Variants in ZNF638 observed in about 807,000 individuals in gnomAD.
ZNF638 encodes the protein zinc finger protein 638.
A neutral mutation model predicts 195.6 loss-of-function variants in ZNF638; 46 were observed. The observed-to-expected ratio is 0.24, with a 90% CI of 0.19 to 0.30. The LOEUF (loss-of-function observed/expected upper bound fraction) is 0.30. ZNF638 is among the 10% of genes least tolerant of loss of function. The pLI is 1.00. For missense variants in ZNF638, 2,440 were observed against 2,325.3 expected, an observed-to-expected ratio of 1.05 and a Z score of -1.01; for synonymous variants, 845 against 772.0, an observed-to-expected ratio of 1.09 and a Z score of -1.57.
At chr2:71,374,839 T>A (rs969482756) in intron 8 of ZNF638, 2 of 152,236 alleles carry the variant, frequency 1.3e-5, no homozygotes, top group Non-Finnish European at 2.9e-5. Context: ...GGAGGATTGC[T>A]TGAGCCCACA....
intron 8 of ZNF638, among the ~76,000 whole-genome samples, chr2:71,378,547 C>A (rs1177022783): frequency 6.6e-6 from 1 of 152,108 alleles, no homozygotes; most frequent in Non-Finnish European, 1.5e-5. Flanking sequence ...TTGAAGAACA[C>A]AAAGTCTCTG....
intron 20 of ZNF638, among the ~76,000 whole-genome samples, chr2:71,409,276 A>T (rs529522746): frequency 6.6e-6 from 1 of 152,174 alleles, no homozygotes; most frequent in African/African-American, 2.4e-5. Flanking sequence ...TTAATTGACT[A>T]CTATTTAAAA....
intron 20 of ZNF638, chr2:71,418,351 A>T: frequency 3.4e-6 from 1 of 297,832 alleles, no homozygotes; most frequent in East Asian, 5.5e-5. Flanking sequence ...AAAGTTTCTT[A>T]TTTATATCAT....
rs2078914753 is a variant in ZNF638 at position 71,350,026 on chromosome 2, A to C, written c.1072A>C (p.Asn358His). Residue 358 changes from asparagine to histidine, a missense_variant, in exon 2 of 28, where the codon AAT becomes CAT. By Grantham distance (68) the Asn-to-His change is moderately conservative. Coordinates refer to ENST00000264447, the MANE Select transcript of ZNF638 (RefSeq NM_014497.5). ...QERIPHEPVI[N>H]SSNVHVGSRG... is the part of the protein sequence containing the mutation. ...GCGGATCCCACATGAACCTGTGATT[A>C]ATTCATCTAACGTACATGTTGGATC... 2 of 1,614,104 alleles carry C rather than the reference A, an allele frequency of 1.2e-6. No individual in the cohort carries two copies. Among genetic ancestry groups the C allele is most frequent in the Non-Finnish European group, 1.7e-6 (2 of 1,180,046 alleles).
intron 26 of ZNF638, 81 bp downstream of exon 26, chr2:71,431,509 C>T: frequency 1.6e-6 from 2 of 1,271,266 alleles, no homozygotes; most frequent in Non-Finnish European, 2.2e-6. Context: ...CCTGTAATCC[C>T]AGCACTTCGG....
At chr2:71,408,396 A>G (rs1196276815) in intron 20 of ZNF638, 149 bp downstream of exon 20, 6 of 1,018,808 alleles carry the variant, frequency 5.9e-6, no homozygotes, top group Non-Finnish European at 8.2e-6. Context: ...CATAGTTTAT[A>G]AAGCAGTATA....
chr2:71,398,749 G>C lies in ZNF638; in HGVS notation c.2477G>C (p.Gly826Ala). The change falls in exon 12 of 28, where the codon GGT (glycine) becomes GCT (alanine). Residue 826 changes from glycine (G) to alanine (A), a missense_variant. Physicochemically the swap from Gly to Ala is moderately conservative, Grantham distance 60. Around this residue, in one of 5 missense-constraint regions of ZNF638, gnomAD observed 1,883 missense variants for 1,739.1 expected, o/e 1.08. Transcript: ENST00000264447. The part of the protein sequence containing the change: ...VKSVVTVAVK[G>A]NKASIKTAKS... ...TCTGTGGTAACGGTAGCTGTTAAAG[G>C]TAATAAAGCTTCAATCAAAACAGGT... is the stretch of plus-strand genomic sequence containing the variant. The C allele has an allele frequency of 1.9e-6, 3 of 1,613,180 alleles. No homozygotes were observed. The highest frequency in any genetic ancestry group is 2.5e-6 in the Non-Finnish European group (3 of 1,179,400).
chr2:71,398,354 G>T (rs1305173834), intron 11 of ZNF638, among the ~76,000 whole-genome samples: 1 of 151,910 alleles, frequency 6.6e-6, no homozygotes, highest in Non-Finnish European at 1.5e-5. Context: ...GCATGAAACA[G>T]TTTTTTTTAA....
chr2:71,391,121 A>C (rs1241499949), intron 10 of ZNF638, among the ~76,000 whole-genome samples: 1 of 152,170 alleles, frequency 6.6e-6, no homozygotes, highest in Non-Finnish European at 1.5e-5. Flanking sequence ...AGCCCTTAGA[A>C]TTTGCCCATT....
chr2:71,372,325 C>T (rs564634376), intron 8 of ZNF638, among the ~76,000 whole-genome samples: 15 of 152,210 alleles, frequency 9.9e-5, no homozygotes, highest in Middle Eastern at 3.4e-3. Flanking sequence ...TTCTTATTGC[C>T]GGGATGGATG....
At chr2:71,357,708 A>G (rs985876023) in intron 3 of ZNF638, among the ~76,000 whole-genome samples, 1 of 152,050 alleles carries the variant, frequency 6.6e-6, no homozygotes, top group Non-Finnish European at 1.5e-5. Context: ...GATTTAAAGC[A>G]TTTGCTTTCC....
intron 10 of ZNF638, chr2:71,395,500 A>ATTCTT (rs1360983540): frequency 1.6e-6 from 1 of 606,512 alleles, no homozygotes; most frequent in African/African-American, 1.8e-5. Flanking sequence ...AAGGGCAAGA[A>ATTCTT]GTAGGTAACA....
chr2:71,408,529 A>AT (rs1486721624), intron 20 of ZNF638: 1 of 333,114 alleles, frequency 3.0e-6, no homozygotes, highest in Non-Finnish European at 5.6e-6. Flanking sequence ...ATGTAACATG[A>AT]TTGTCTCCAG....
intron 23 of ZNF638, 54 bp from the exon 24 acceptor site, chr2:71,426,406 C>A: frequency 1.5e-6 from 2 of 1,291,440 alleles, no homozygotes; most frequent in Non-Finnish European, 2.1e-6. Context: ...TATTTGGAAT[C>A]TAGCCAGTGG....
At chr2:71,395,373 G>A in intron 10 of ZNF638, 1 of 702,126 alleles carries the variant, frequency 1.4e-6, no homozygotes, top group Non-Finnish European at 2.7e-6. Context: ...AGATCAGTCA[G>A]GGTGGTGGGA....
chr2:71,353,225 C>T (rs1324230013), intron 2 of ZNF638, among the ~76,000 whole-genome samples: 1 of 152,080 alleles, frequency 6.6e-6, no homozygotes, highest in African/African-American at 2.4e-5. Flanking sequence ...TGAAGATGTA[C>T]TTTGAGAACG....
chr2:71,410,320 A>G (rs540324774), intron 20 of ZNF638, among the ~76,000 whole-genome samples: 2 of 152,202 alleles, frequency 1.3e-5, no homozygotes, highest in East Asian at 1.9e-4. Flanking sequence ...AGAGTAGACT[A>G]TAGGGGCATG....
chr2:71,405,996 C>G, intron 18 of ZNF638, 132 bp from the exon 19 acceptor site: 2 of 1,009,164 alleles, frequency 2.0e-6, no homozygotes, highest in Non-Finnish European at 2.9e-6. Context: ...CTGTCTTCCC[C>G]CATGTAGTCA....
At position 71,388,374 on chromosome 2, in the gene ZNF638, CGACCTTTGATCATCT is replaced by C. The variant is rs1189298085; in HGVS notation, c.2378-7752_2378-7738del. The C allele has an allele frequency of 1.5e-4, 90 of 604,360 alleles. No individual in the cohort carries two copies. The East Asian group carries it at 1.7e-3, about 12-fold the overall frequency. The allele number at this position is 604,360 out of a possible 1,614,324, so 37.4% of individuals were successfully genotyped here. A position where few individuals can be genotyped will look rare whatever the true frequency, so the allele number is the denominator to read the frequency against. Reference sequence around the variant, plus strand: ...TTTGATCATCTGACCTTTGATCATCCGACCTTTGATCATCTGACCTTTGATCATCCGCGTGCAGGA... The same window carrying C: ...TTTGATCATCTGACCTTTGATCATCCGACCTTTGATCATCCGCGTGCAGGA... On this transcript the variant is annotated intron_variant, in intron 10 of 27. Transcript: ENST00000264447.
Sources: allele counts gnomAD v4.1 joint callset (sites outside exome capture counted in the v4.1 genomes callset), GRCh38; gene constraint gnomAD v4.1.1; regional missense constraint gnomAD v4.1.1; transcripts MANE v1.5; gene names NCBI Gene and HGNC (gene_info 2026-07-23, HGNC 2026-07-21).